ENPEP: variants seen among roughly 807,000 people sequenced by gnomAD.
ENPEP encodes glutamyl aminopeptidase.
Under a neutral mutation model 114.5 loss-of-function variants are expected in ENPEP, and 103 were observed. The observed-to-expected ratio is 0.90, with a 90% CI of 0.77 to 1.06. ENPEP has a LOEUF of 1.06. ENPEP is among the 50% of genes least tolerant of loss of function. The pLI is 0.00. For missense variants in ENPEP, 1,196 were observed against 1,161.3 expected, an observed-to-expected ratio of 1.03 and a Z score of -0.43; for synonymous variants, 420 against 422.0, an observed-to-expected ratio of 1.00 and a Z score of 0.06.
chr4:110,485,052 A>G (rs1302467724), intron 1 of ENPEP, among the ~76,000 whole-genome samples: 2 of 152,168 alleles, frequency 1.3e-5, no homozygotes, highest in Non-Finnish European at 2.9e-5. Context: ...AGACATCAGA[A>G]GTCAGAAGAA....
chr4:110,539,056 G>T (rs1726751473), intron 11 of ENPEP, among the ~76,000 whole-genome samples: 1 of 152,086 alleles, frequency 6.6e-6, no homozygotes, highest in African/African-American at 2.4e-5. Flanking sequence ...CACCCTAACA[G>T]ATATAATAAT....
chr4:110,516,892 A>G (rs1470787132), intron 8 of ENPEP, among the ~76,000 whole-genome samples: 1 of 152,182 alleles, frequency 6.6e-6, no homozygotes, highest in Non-Finnish European at 1.5e-5. Context: ...TAACTTTTCC[A>G]TAAGTTTCAA....
intron 4 of ENPEP, 139 bp downstream of exon 4, chr4:110,506,896 C>A: frequency 2.4e-6 from 2 of 822,138 alleles, no homozygotes; most frequent in Non-Finnish European, 3.6e-6. Flanking sequence ...ATATCTTGGG[C>A]TCAAGTAAGC....
intron 8 of ENPEP, among the ~76,000 whole-genome samples, chr4:110,516,985 C>G (rs1725797307): frequency 6.6e-6 from 1 of 152,040 alleles, no homozygotes; most frequent in Non-Finnish European, 1.5e-5. Context: ...GCTCTGTCGC[C>G]AAGGCTGGAG....
intron 6 of ENPEP, 177 bp from the exon 7 acceptor site, chr4:110,513,238 G>A (rs906156587): frequency 9.4e-6 from 5 of 531,104 alleles, no homozygotes; most frequent in African/African-American, 8.0e-5. Context: ...TAGAAGAAGG[G>A]CATGAAATCA....
In ENPEP at chr4:110,531,212, T is replaced by A; in HGVS notation, c.1742T>A (p.Ile581Asn). ...AAAAATTTTAGTTATACATGGAATA[T>A]CCCAGTTAAATGGACTGAAGATAAT... ...PPSDLGYTWN[I>N]PVKWTEDNIT... Residue 581 changes from isoleucine to asparagine, a missense_variant, in exon 11 of 20, where the codon ATC (isoleucine) becomes AAC (asparagine). Coordinates refer to ENST00000265162, the MANE Select transcript of ENPEP (RefSeq NM_001977.4). The A allele has an allele frequency of 6.8e-7, 1 of 1,474,800 alleles. No individual in the cohort carries two copies. Among genetic ancestry groups the A allele is most frequent in the Non-Finnish European group, 9.1e-7 (1 of 1,097,792 alleles). 91.4% of individuals were successfully genotyped at this position (1,474,800 alleles called of 1,614,324 possible).
chr4:110,490,944 C>T, intron 2 of ENPEP, 89 bp from the exon 3 acceptor site: 1 of 1,387,906 alleles, frequency 7.2e-7, no homozygotes, highest in Non-Finnish European at 9.7e-7. Flanking sequence ...GGCTAGAAAG[C>T]AAGGTTTGGG....
intron 1 of ENPEP, among the ~76,000 whole-genome samples, chr4:110,485,595 T>C (rs1032088495): frequency 1.3e-5 from 2 of 152,224 alleles, no homozygotes; most frequent in African/African-American, 4.8e-5. Context: ...AACCTAATGA[T>C]GTCTTTTTGA....
At chr4:110,515,994 A>G (rs1469408532) in intron 8 of ENPEP, 2 of 290,128 alleles carry the variant, frequency 6.9e-6, no homozygotes, top group South Asian at 3.2e-5. Flanking sequence ...GACAGCTCCC[A>G]AAGGCTTCGT....
chr4:110,503,988 G>T lies in ENPEP; in HGVS notation c.919-2649G>T, dbSNP rs532631703. ...TGCTCTCTCTCAGTGCTCTGAAACT[G>T]CCTGCTCCTCTCCAACTCAAGTACT... On this transcript the variant is annotated intron_variant, in intron 3 of 19. Coordinates refer to ENST00000265162, the MANE Select transcript of ENPEP (RefSeq NM_001977.4). Among the ~76,000 whole-genome samples the T allele has an allele frequency of 3.3e-5, 5 of 152,292 alleles. No individual in the cohort carries two copies. The South Asian group carries it at 1.0e-3, about 32-fold the overall frequency.
chr4:110,534,881 C>T (rs1444341959), intron 11 of ENPEP, among the ~76,000 whole-genome samples: 2 of 152,052 alleles, frequency 1.3e-5, no homozygotes, highest in East Asian at 3.9e-4. Flanking sequence ...TGTCTCCTGT[C>T]CACCCTATTA....
At chr4:110,555,530 T>C (rs1412152013) in intron 18 of ENPEP, among the ~76,000 whole-genome samples, 1 of 152,056 alleles carries the variant, frequency 6.6e-6, no homozygotes, top group Non-Finnish European at 1.5e-5. Context: ...AGTTTGAGAC[T>C]TAGCCACAAA....
chr4:110,561,346 A>G, intron 19 of ENPEP, 60 bp from the exon 20 acceptor site: 1 of 1,566,556 alleles, frequency 6.4e-7, no homozygotes, highest in Non-Finnish European at 8.7e-7. Context: ...TGTGAATGAA[A>G]TTCTTGAAGA....
At chr4:110,519,178 C>T (rs1384270985) in intron 8 of ENPEP, 1 of 452,268 alleles carries the variant, frequency 2.2e-6, no homozygotes, top group African/African-American at 2.0e-5. Flanking sequence ...TGGAGTCCTT[C>T]TAATACTGTT....
chr4:110,529,112 A>T (rs1338957084), intron 10 of ENPEP, among the ~76,000 whole-genome samples: 2 of 152,172 alleles, frequency 1.3e-5, no homozygotes, highest in African/African-American at 4.8e-5. Flanking sequence ...TGCCCTTTTG[A>T]GGCCTGGTGT....
At chr4:110,532,418 T>C (rs543802429) in intron 11 of ENPEP, among the ~76,000 whole-genome samples, 1 of 152,336 alleles carries the variant, frequency 6.6e-6, no homozygotes, top group South Asian at 2.1e-4. Flanking sequence ...ATCCATGATA[T>C]AGCATGTAAC....
At chr4:110,560,380 T>G (rs1381610258) in intron 19 of ENPEP, among the ~76,000 whole-genome samples, 2 of 152,290 alleles carry the variant, frequency 1.3e-5, no homozygotes, top group Non-Finnish European at 1.5e-5. Context: ...CAGAAGACAA[T>G]GAGAAAGAAA....
chr4:110,559,199 T>C (rs1189087742), intron 18 of ENPEP: 1 of 161,814 alleles, frequency 6.2e-6, no homozygotes, highest in East Asian at 1.8e-4. Context: ...TGTTCTAGCT[T>C]GGGGGAAGAG....
chr4:110,531,395 C>T, intron 11 of ENPEP, 118 bp downstream of exon 11: 1 of 750,022 alleles, frequency 1.3e-6, no homozygotes, highest in Non-Finnish European at 1.8e-6. Flanking sequence ...TAAGTGATCT[C>T]TTAAATAATT....
Sources: allele counts gnomAD v4.1 joint callset (sites outside exome capture counted in the v4.1 genomes callset), GRCh38; gene constraint gnomAD v4.1.1; transcripts MANE v1.5; gene names NCBI Gene and HGNC (gene_info 2026-07-23, HGNC 2026-07-21).